The following PPIL6 variants were observed in gnomAD, a reference collection of about 807,000 sequenced individuals.
PPIL6 encodes probable inactive peptidyl-prolyl cis-trans isomerase-like 6.
PPIL6 carries 39 observed loss-of-function variants against 36.8 expected under a neutral mutation model. That is an observed-to-expected ratio of 1.06 (90% CI 0.82 to 1.38). The LOEUF is 1.38. Among genes scored for constraint, PPIL6 ranks in the 40% most tolerant of loss-of-function variants. The pLI is 0.00. For missense variants in PPIL6, 368 were observed against 379.1 expected (o/e 0.97, Z 0.24); for synonymous variants, 123 against 134.1 (o/e 0.92, Z 0.57).
intron 7 of PPIL6, among the ~76,000 whole-genome samples, chr6:109,398,557 AAG>A (rs1772394465): frequency 6.6e-6 from 1 of 152,228 alleles, no homozygotes; most frequent in Non-Finnish European, 1.5e-5. Context: ...TCAGTAATTA[AAG>A]AGAGAGATGA....
chr6:109,410,504 C>T (rs1227985570), intron 6 of PPIL6, among the ~76,000 whole-genome samples: 3 of 152,110 alleles, frequency 2.0e-5, no homozygotes, highest in Non-Finnish European at 2.9e-5. Flanking sequence ...CTACCATCCC[C>T]GCTGACCTCC....
At chr6:109,430,980 C>T (rs1774111238) in intron 3 of PPIL6, among the ~76,000 whole-genome samples, 177 bp downstream of exon 3, 1 of 152,190 alleles carries the variant, frequency 6.6e-6, no homozygotes, top group Non-Finnish European at 1.5e-5. Flanking sequence ...CTGTGAGACA[C>T]ACTTGCTTTA....
chr6:109,407,585 T>C (rs961047720), intron 6 of PPIL6, among the ~76,000 whole-genome samples: 1 of 152,156 alleles, frequency 6.6e-6, no homozygotes, highest in Non-Finnish European at 1.5e-5. Context: ...CTATCTTCTT[T>C]CTTCCACATT....
intron 6 of PPIL6, among the ~76,000 whole-genome samples, chr6:109,405,807 C>A (rs1293411815): frequency 6.6e-6 from 1 of 152,148 alleles, no homozygotes; most frequent in East Asian, 1.9e-4. Context: ...TCCGCCACTT[C>A]AAAATTGCTC....
In PPIL6 at chr6:109,414,761, C is replaced by T. The variant is rs369974632; in HGVS notation, c.688+4426G>A. ...ATCTACAGTTGACCCTTAAACAATG[C>T]GGGGGGTTAGGGACACCAACCCCTC... On this transcript the variant is annotated intron_variant, in intron 6 of 7. Coordinates refer to ENST00000521072, the MANE Select transcript of PPIL6 (RefSeq NM_173672.5). Among the ~76,000 whole-genome samples the T allele has an allele frequency of 8.6e-5, 13 of 151,944 alleles. No individual in the cohort carries two copies. The East Asian group carries it at 1.2e-3, about 13-fold the overall frequency.
intron 6 of PPIL6, among the ~76,000 whole-genome samples, chr6:109,412,364 C>T (rs1474448364): frequency 1.3e-5 from 2 of 152,176 alleles, no homozygotes; most frequent in East Asian, 1.9e-4. Context: ...TTACCAATGA[C>T]ATTCTTCATG....
intron 7 of PPIL6, among the ~76,000 whole-genome samples, chr6:109,397,352 C>CG (rs1772341567): frequency 6.6e-6 from 1 of 151,942 alleles, no homozygotes; most frequent in East Asian, 1.9e-4. Flanking sequence ...ACTCCATTGC[C>CG]GCCCTGTAAC....
chr6:109,414,454 A>G (rs1773151103), intron 6 of PPIL6, among the ~76,000 whole-genome samples: 1 of 124,852 alleles, frequency 8.0e-6, no homozygotes, highest in East Asian at 2.2e-4. Flanking sequence ...CATGTCTTGT[A>G]TCATTTTCTT....
At chr6:109,417,383 ATTT>A (rs35207179) in intron 6 of PPIL6, among the ~76,000 whole-genome samples, 215 of 144,340 alleles carry the variant, frequency 1.5e-3, no homozygotes, top group South Asian at 2.2e-3. Flanking sequence ...CCCTGTCTCT[ATTT>A]TTTTTTTTTT....
In PPIL6 at chr6:109,390,860, T is replaced by C. The variant is rs761958943; in HGVS notation, c.*1966A>G. Reference sequence around the variant, plus strand: ...TTTTGCAACTTCCTGTGAATCTATATTTCAAAATAAAAAGTTAAAAAAGCC... The same window carrying C: ...TTTTGCAACTTCCTGTGAATCTATACTTCAAAATAAAAAGTTAAAAAAGCC... On this transcript the variant is annotated 3_prime_UTR_variant, in exon 8 of 8. Transcript: ENST00000521072. 23 of 152,166 alleles carry C rather than the reference T, an allele frequency of 1.5e-4. No homozygotes were observed. Among genetic ancestry groups the C allele is most frequent in the Non-Finnish European group, 2.6e-4 (18 of 68,032 alleles). The allele number at this position is 152,166 out of a possible 1,614,324, so 9.4% of individuals were successfully genotyped here. A position where few individuals can be genotyped will look rare whatever the true frequency, so the allele number is the denominator to read the frequency against.
intron 3 of PPIL6, among the ~76,000 whole-genome samples, chr6:109,430,470 A>G (rs1387646661): frequency 6.6e-6 from 1 of 150,800 alleles, no homozygotes. Context: ...GCTCTGCACC[A>G]GGCTGGAGTG....
intron 1 of PPIL6, 31 bp downstream of exon 1, chr6:109,440,425 C>T: frequency 6.5e-7 from 1 of 1,534,734 alleles, no homozygotes; most frequent in East Asian, 2.5e-5. Context: ...GCGGGGAGGG[C>T]CGCCCACGAC....
chr6:109,398,267 T>C (rs1772384964), intron 7 of PPIL6, among the ~76,000 whole-genome samples: 1 of 152,226 alleles, frequency 6.6e-6, no homozygotes, highest in Non-Finnish European at 1.5e-5. Context: ...AGACAAGTCA[T>C]TGTTTTACGT....
At chr6:109,440,876 G>A (rs889870540), upstream of PPIL6, 4 of 538,292 alleles carry the variant, frequency 7.4e-6, no homozygotes, top group Admixed American at 3.7e-5. Flanking sequence ...GAGCCTGGGC[G>A]CCCGGATTTC....
At chr6:109,405,123 C>A in intron 6 of PPIL6, 2 of 351,198 alleles carry the variant, frequency 5.7e-6, no homozygotes, top group South Asian at 2.1e-5. Flanking sequence ...CAAAAAGCCA[C>A]AGAAAACTAA....
chr6:109,412,231 G>A (rs1484858278), intron 6 of PPIL6, among the ~76,000 whole-genome samples: 1 of 152,170 alleles, frequency 6.6e-6, no homozygotes. Context: ...CTGTAAAACT[G>A]TCCTGAGCTG....
intron 7 of PPIL6, 135 bp downstream of exon 7, chr6:109,399,900 C>G: frequency 1.7e-6 from 1 of 595,124 alleles, no homozygotes. Flanking sequence ...ATACTTTTGT[C>G]TCTATTTGTA....
intron 7 of PPIL6, among the ~76,000 whole-genome samples, chr6:109,393,465 G>A (rs1449726778): frequency 6.6e-6 from 1 of 152,056 alleles, no homozygotes; most frequent in Non-Finnish European, 1.5e-5. Flanking sequence ...GCCTCAAGCA[G>A]TCCTCCCATT....
chr6:109,418,900 G>A (rs1414038615), intron 6 of PPIL6, among the ~76,000 whole-genome samples: 1 of 152,104 alleles, frequency 6.6e-6, no homozygotes, highest in East Asian at 1.9e-4. Flanking sequence ...TATCAGCACG[G>A]GAAATTACAA....
Sources: allele counts gnomAD v4.1 joint callset (sites outside exome capture counted in the v4.1 genomes callset), GRCh38; gene constraint gnomAD v4.1.1; transcripts MANE v1.5; gene names NCBI Gene and HGNC (gene_info 2026-07-23, HGNC 2026-07-21).